The following PTPN21 variants were observed in gnomAD, a reference collection of about 807,000 sequenced individuals.
PTPN21 encodes the protein protein tyrosine phosphatase non-receptor type 21.
Under a neutral mutation model 131.8 loss-of-function variants are expected in PTPN21, and 77 were observed. The observed-to-expected ratio is 0.58, with a 90% confidence interval of 0.49 to 0.71. The LOEUF (loss-of-function observed/expected upper bound fraction) is 0.71, where lower values mean the gene tolerates loss of function less well. PTPN21 is among the 30% of genes least tolerant of loss of function. The pLI, the probability that PTPN21 is intolerant of heterozygous loss-of-function variation, is 0.00. For synonymous variants in PTPN21, 715 were observed against 621.3 expected, an observed-to-expected ratio of 1.15 and a Z score of -2.24; for missense variants, 1,552 against 1,527.1, an observed-to-expected ratio of 1.02 and a Z score of -0.27.
At chr14:88,485,594 GTATAA>G (rs2077719869) in intron 11 of PTPN21, among the ~76,000 whole-genome samples, 183 bp downstream of exon 11, 1 of 151,780 alleles carries the variant, frequency 6.6e-6, no homozygotes, top group Non-Finnish European at 1.5e-5. Context: ...ATTCAAATAT[GTATAA>G]TATAATAATA....
Position 88,507,924 on chromosome 14 carries a change from T to C in PTPN21, c.447A>G (p.Gln149=). 4 of 1,575,586 alleles carry C rather than the reference T, an allele frequency of 2.5e-6. No individual in the cohort carries two copies. Among genetic ancestry groups the C allele is most frequent in the Non-Finnish European group, 3.5e-6 (4 of 1,152,182 alleles). Reference sequence around the variant, plus strand: ...TCATTATGAATTGATCTTATTTACCTTGAACAGCTAAGCCTGCTAGCTGAA... The same window carrying C: ...TCATTATGAATTGATCTTATTTACCCTGAACAGCTAAGCCTGCTAGCTGAA... ...QAIQLAGLAV[Q]ADFGDFDQYE... Residue 149 remains glutamine (Q), a splice_region_variant and synonymous_variant, in exon 4 of 19, where the codon CAA becomes CAG. Coordinates refer to ENST00000556564, the MANE Select transcript of PTPN21 (RefSeq NM_007039.4).
chr14:88,482,600 C>T (rs868712804), intron 12 of PTPN21, among the ~76,000 whole-genome samples: 3 of 150,752 alleles, frequency 2.0e-5, no homozygotes, highest in Non-Finnish European at 4.4e-5. Context: ...ACAACAAAAG[C>T]GAAACTCCAT....
At chr14:88,539,249 A>AT (rs2078671122) in intron 2 of PTPN21, among the ~76,000 whole-genome samples, 1 of 128,382 alleles carries the variant, frequency 7.8e-6, no homozygotes, top group Non-Finnish European at 1.6e-5. Flanking sequence ...ACGCCCGGTT[A>AT]ATTTTTTTTT....
chr14:88,505,478 A>G, intron 4 of PTPN21, 107 bp from the exon 5 acceptor site: 1 of 705,628 alleles, frequency 1.4e-6, no homozygotes. Context: ...CTAATATTTC[A>G]GAAGTCAAAT....
intron 12 of PTPN21, among the ~76,000 whole-genome samples, chr14:88,484,272 A>G (rs2077700134): frequency 6.6e-6 from 1 of 151,130 alleles, no homozygotes; most frequent in Non-Finnish European, 1.5e-5. Context: ...GGCTGAAGAT[A>G]AACTTCTTAA....
Position 88,480,099 on chromosome 14 carries a change from G to A in PTPN21, c.1332C>T (p.Ser444=). The change falls in exon 13 of 19, where the codon TCC becomes TCT. Residue 444 remains serine, a synonymous_variant. Transcript: ENST00000556564. ...SHRHSAVIPP[S]YRPTPDYETV... ...TCTCATAGTCTGGGGTGGGGCGGTA[G>A]GACGGGGGTATCACGGCGCTGTGCC... 6.2e-7 allele frequency: 1 copy of A among 1,614,198 alleles called. No homozygotes were observed.
intron 13 of PTPN21, among the ~76,000 whole-genome samples, chr14:88,476,015 G>A (rs923973258): frequency 6.6e-6 from 1 of 152,170 alleles, no homozygotes; most frequent in African/African-American, 2.4e-5. Flanking sequence ...GCACTAAAGG[G>A]TACAACAAAA....
Position 88,512,604 on chromosome 14 carries a change from G to C in PTPN21, c.350+4488C>G, listed in dbSNP as rs144713456. Reference sequence around the variant, plus strand: ...TCCTGAAAACTAATCATTAGATTTAGAGCAGCACTGTCTAACAGAACATTC... The same window carrying C: ...TCCTGAAAACTAATCATTAGATTTACAGCAGCACTGTCTAACAGAACATTC... On this transcript the variant is annotated intron_variant, in intron 3 of 18. Coordinates refer to ENST00000556564, the MANE Select transcript of PTPN21 (RefSeq NM_007039.4). 1.1e-4 allele frequency: 16 copies of C among 152,284 alleles called. No homozygotes were observed. In the East Asian group the frequency reaches 3.1e-3, roughly 29 times the overall value. 9.4% of individuals were successfully genotyped at this position (152,284 alleles called of 1,614,324 possible). A position where few individuals can be genotyped will look rare whatever the true frequency, so the allele number is the denominator to read the frequency against.
chr14:88,468,779 C>CA, intron 18 of PTPN21, 137 bp downstream of exon 18: 1 of 1,011,940 alleles, frequency 9.9e-7, no homozygotes, highest in East Asian at 2.5e-5. Context: ...CAGCCTTTTG[C>CA]AGGGAACATT....
chr14:88,543,877 T>C (rs760396004), intron 2 of PTPN21, among the ~76,000 whole-genome samples: 1 of 152,094 alleles, frequency 6.6e-6, no homozygotes, highest in Non-Finnish European at 1.5e-5. Flanking sequence ...ATGAAGGCCA[T>C]ATATGGGAAC....
chr14:88,479,773 G>A lies in PTPN21; in HGVS notation c.1658C>T (p.Pro553Leu). The A allele has an allele frequency of 1.9e-6, 3 of 1,546,040 alleles. No individual in the cohort carries two copies. The highest frequency in any genetic ancestry group is 8.7e-7 in the Non-Finnish European group (1 of 1,153,176). The change falls in exon 13 of 19, where the codon CCG becomes CTG. Residue 553 changes from proline to leucine, a missense_variant. Physicochemically the swap from Pro to Leu is moderately conservative, Grantham distance 98. This residue lies in a region of PTPN21 where 1,016 missense variants were observed against 883.5 expected (regional missense o/e 1.15). Transcript: ENST00000556564. ...CTGCGTCCGCATGATGTTGGGAGAC[G>A]GGTAGTCCTGCGCCTGCAGCTGCGC... The part of the protein sequence containing the change: ...TNAQLQAQDY[P>L]SPNIMRTQVY...
intron 2 of PTPN21, among the ~76,000 whole-genome samples, chr14:88,538,149 TTGTTTAG>T (rs2078655910): frequency 6.6e-6 from 1 of 152,136 alleles, no homozygotes; most frequent in African/African-American, 2.4e-5. Flanking sequence ...CATATAAAGG[TTGTTTAG>T]TTTACGACCC....
chr14:88,515,612 T>A (rs1330667318), intron 3 of PTPN21: 1 of 152,210 alleles, frequency 6.6e-6, no homozygotes, highest in Non-Finnish European at 1.5e-5. Context: ...CAAAAACTAT[T>A]CCCTCTAGAA....
rs576261282 is a variant in PTPN21 at position 88,479,495 on chromosome 14, C to A, written c.1936G>T (p.Gly646Cys). Residue 646 changes from glycine (G) to cysteine (C), a missense_variant, in exon 13 of 19, where the codon GGC (glycine) becomes TGC (cysteine). This residue lies in a region of PTPN21 where 1,016 missense variants were observed against 883.5 expected (regional missense o/e 1.15). Coordinates refer to ENST00000556564, the MANE Select transcript of PTPN21 (RefSeq NM_007039.4). ...TCCTTGAGCCGCAGGCCCTCCAGGC[C>A]GTGGCTGAGCCCGGCCACCTCGATG... is the stretch of plus-strand genomic sequence containing the variant. The part of the protein sequence containing the change: ...NSIEVAGLSH[G>C]LEGLRLKERT... 6.2e-7 allele frequency: 1 copy of A among 1,601,398 alleles called. No individual in the cohort carries two copies. Among genetic ancestry groups the A allele is most frequent in the African/African-American group, 1.3e-5 (1 of 75,014 alleles).
Position 88,512,543 on chromosome 14 carries a change from G to A in PTPN21, c.351-4523C>T, listed in dbSNP as rs149355881. 450 of 152,264 alleles carry A rather than the reference G, an allele frequency of 3.0e-3. 3 individuals are homozygous for A. Among genetic ancestry groups the A allele is most frequent in the African/African-American group, 0.01 (436 of 41,552 alleles). The allele number at this position is 152,264 out of a possible 1,614,324, so 9.4% of individuals were successfully genotyped here. Reference sequence around the variant, plus strand: ...TGGACTTTTCTGATTGTAGTCTCATGGGGTCATTTGGCAAGTTTACATGTT... The same window carrying A: ...TGGACTTTTCTGATTGTAGTCTCATAGGGTCATTTGGCAAGTTTACATGTT... On this transcript the variant is annotated intron_variant, in intron 3 of 18. Coordinates refer to ENST00000556564, the MANE Select transcript of PTPN21 (RefSeq NM_007039.4).
At chr14:88,509,085 A>AATTACTGGGGTCCAT (rs2078140433) in intron 3 of PTPN21, among the ~76,000 whole-genome samples, 1 of 150,370 alleles carries the variant, frequency 6.7e-6, no homozygotes, top group African/African-American at 2.5e-5. Flanking sequence ...GACCAAGAGC[A>AATTACTGGGGTCCAT]TAGCCGGCTA....
intron 3 of PTPN21, among the ~76,000 whole-genome samples, chr14:88,511,014 G>A (rs987551104): frequency 6.6e-6 from 1 of 151,644 alleles, no homozygotes; most frequent in African/African-American, 2.4e-5. Flanking sequence ...CTGGACTCAA[G>A]TGATCCTTGA....
chr14:88,545,882 C>G (rs191380540), intron 2 of PTPN21, among the ~76,000 whole-genome samples: 3 of 151,496 alleles, frequency 2.0e-5, no homozygotes, highest in Admixed American at 2.0e-4. Flanking sequence ...ATGGCATGAA[C>G]CTGGGAGACT....
chr14:88,483,526 C>T (rs541251429), intron 12 of PTPN21, among the ~76,000 whole-genome samples: 2 of 152,204 alleles, frequency 1.3e-5, no homozygotes, highest in Admixed American at 1.3e-4. Flanking sequence ...TCTTTTACAC[C>T]AGGGCCGACA....
Sources: gnomAD v4.1 joint callset for allele counts (sites outside exome capture counted in the v4.1 genomes callset) on GRCh38, gnomAD v4.1.1 for gene constraint, gnomAD v4.1.1 regional missense constraint, MANE v1.5 for transcripts, NCBI Gene and HGNC (gene_info 2026-07-23, HGNC 2026-07-21) for gene names.